Variants in SLC6A11 observed in about 807,000 individuals in gnomAD.
SLC6A11 encodes solute carrier family 6 member 11.
Under a neutral mutation model 74.8 loss-of-function variants are expected in SLC6A11, and 25 were observed. The observed-to-expected ratio is 0.33, with a 90% CI of 0.24 to 0.47. The LOEUF (loss-of-function observed/expected upper bound fraction) is 0.47, where lower values mean the gene tolerates loss of function less well. Among genes scored for constraint, SLC6A11 ranks in the 20% least tolerant of loss-of-function variants. The probability of loss-of-function intolerance (pLI) is 1.00; values close to 1 mark genes in which losing one functional copy is unlikely to be tolerated. For synonymous variants in SLC6A11, 330 were observed against 330.2 expected (o/e 1.00, Z 0.01); for missense variants, 574 against 837.0 (o/e 0.69, Z 3.88).
At chr3:10,930,992 C>T (rs1483378192) in intron 10 of SLC6A11, among the ~76,000 whole-genome samples, 2 of 152,210 alleles carry the variant, frequency 1.3e-5, no homozygotes, top group South Asian at 2.1e-4. Flanking sequence ...GGCCGTGCCA[C>T]CTTGGCCTTC....
At chr3:10,910,409 G>C (rs901030) in intron 6 of SLC6A11, among the ~76,000 whole-genome samples, 3 of 152,164 alleles carry the variant, frequency 2.0e-5, no homozygotes, top group Admixed American at 2.0e-4. Context: ...ATGGAGGAGA[G>C]GGATGTGGCC....
chr3:10,923,728 T>G (rs1433233750), intron 8 of SLC6A11, among the ~76,000 whole-genome samples: 1 of 152,110 alleles, frequency 6.6e-6, no homozygotes, highest in African/African-American at 2.4e-5. Flanking sequence ...CTCAAAATAT[T>G]TCCTCCTGCA....
At chr3:10,938,165 C>T (rs556675531) in intron 13 of SLC6A11, 85 bp from the exon 14 acceptor site, 74 of 1,291,586 alleles carry the variant, frequency 5.7e-5, no homozygotes, top group African/African-American at 7.3e-5. Context: ...CCCAGATGTC[C>T]GCCGTGTGCT....
chr3:10,864,127 C>T (rs1694735947), intron 5 of SLC6A11, among the ~76,000 whole-genome samples: 2 of 152,026 alleles, frequency 1.3e-5, no homozygotes, highest in East Asian at 3.9e-4. Context: ...CTCTTGAGCC[C>T]TCTGTGTCCA....
At chr3:10,936,461 G>A (rs894665984) in intron 13 of SLC6A11, among the ~76,000 whole-genome samples, 6 of 152,208 alleles carry the variant, frequency 3.9e-5, no homozygotes, top group African/African-American at 1.4e-4. Flanking sequence ...GGAGGCGATG[G>A]GGAGTGGGGG....
Position 10,938,368 on chromosome 3 carries a change from T to C in SLC6A11, c.1865T>C (p.Ile622Thr). Residue 622 changes from isoleucine to threonine, a missense_variant, in exon 14 of 14, where the codon ATC (isoleucine) becomes ACC (threonine). This residue lies in a region of SLC6A11 where 257 missense variants were observed against 341.5 expected (regional missense o/e 0.75). Coordinates refer to ENST00000254488, the MANE Select transcript of SLC6A11 (RefSeq NM_014229.3). Reference sequence around the variant, plus strand: ...GCCAAACTCAAGAGTGACGGGACCATCGCAGCCATCACAGAGAAGGAGACG... The same window carrying C: ...GCCAAACTCAAGAGTGACGGGACCACCGCAGCCATCACAGAGAAGGAGACG... The part of the protein sequence containing the change: ...CDAKLKSDGT[I>T]AAITEKETHF 1 of 1,609,888 alleles carries C rather than the reference T, an allele frequency of 6.2e-7. No homozygotes were observed. The highest frequency in any genetic ancestry group is 8.5e-7 in the Non-Finnish European group (1 of 1,176,706).
chr3:10,820,812 G>C (rs949823910), intron 3 of SLC6A11, among the ~76,000 whole-genome samples: 5 of 152,176 alleles, frequency 3.3e-5, no homozygotes, highest in Non-Finnish European at 7.3e-5. Context: ...CCAGAGAGCT[G>C]CTGCCTTTTG....
intron 5 of SLC6A11, among the ~76,000 whole-genome samples, chr3:10,853,460 C>G (rs947766589): frequency 1.3e-5 from 2 of 152,128 alleles, no homozygotes; most frequent in African/African-American, 4.8e-5. Context: ...CTGCCAAGGC[C>G]ACCCCTCCCC....
rs59916917 is a variant in SLC6A11 at position 10,869,919 on chromosome 3, G to T, written c.757-5042G>T. ...GTTGGAGATCTAGTTGGCAAGACTT[G>T]ATCACTGATTGAATGTGGGGGAAGC... On this transcript the variant is annotated intron_variant, in intron 5 of 13. Transcript: ENST00000254488. Among the ~76,000 whole-genome samples, 1,120 of 152,268 alleles carry T rather than the reference G, an allele frequency of 7.4e-3. 15 individuals carry two copies. The highest frequency in any genetic ancestry group is 0.026 in the African/African-American group (1,071 of 41,560).
intron 6 of SLC6A11, among the ~76,000 whole-genome samples, chr3:10,905,046 A>G (rs1695285834): frequency 6.6e-6 from 1 of 152,174 alleles, no homozygotes; most frequent in Non-Finnish European, 1.5e-5. Flanking sequence ...ATGTTCTGTT[A>G]GCTTATTTTA....
At chr3:10,933,537 A>G (rs974165138) in intron 11 of SLC6A11, among the ~76,000 whole-genome samples, 2 of 152,188 alleles carry the variant, frequency 1.3e-5, no homozygotes, top group African/African-American at 2.4e-5. Flanking sequence ...AGTCATCAAC[A>G]TGTCTCCAAG....
intron 5 of SLC6A11, among the ~76,000 whole-genome samples, chr3:10,848,689 C>T (rs976724134): frequency 5.3e-5 from 8 of 152,188 alleles, no homozygotes; most frequent in African/African-American, 9.7e-5. Context: ...GCAGAGCATG[C>T]GACCTGCTAA....
chr3:10,819,783 A>T lies in SLC6A11; in HGVS notation c.463A>T (p.Ile155Phe). 1 of 1,614,158 alleles carries T rather than the reference A, an allele frequency of 6.2e-7. No individual in the cohort carries two copies. Among genetic ancestry groups the T allele is most frequent in the Non-Finnish European group, 8.5e-7 (1 of 1,180,022 alleles). Reference sequence around the variant, plus strand: ...CTACATCATCATCCTGGCATGGGCCATTTTTTACCTGAGCAACTGCTTCAC... The same window carrying T: ...CTACATCATCATCCTGGCATGGGCCTTTTTTTACCTGAGCAACTGCTTCAC... ...VYYIIILAWA[I>F]FYLSNCFTTE... The change falls in exon 3 of 14, where the codon ATT (isoleucine) becomes TTT (phenylalanine). Residue 155 changes from isoleucine to phenylalanine, a missense_variant. Coordinates refer to ENST00000254488, the MANE Select transcript of SLC6A11 (RefSeq NM_014229.3).
At chr3:10,911,018 C>T (rs1455209108) in intron 6 of SLC6A11, among the ~76,000 whole-genome samples, 9 of 151,994 alleles carry the variant, frequency 5.9e-5, no homozygotes, top group African/African-American at 9.7e-5. Context: ...GACAGGGTTT[C>T]GCCATGTTGG....
intron 5 of SLC6A11, among the ~76,000 whole-genome samples, chr3:10,867,360 G>A (rs1329640171): frequency 6.6e-6 from 1 of 152,198 alleles, no homozygotes; most frequent in African/African-American, 2.4e-5. Context: ...CCTAGGCTTG[G>A]AGAGATTTTT....
At chr3:10,920,180 G>C (rs945849544) in intron 8 of SLC6A11, among the ~76,000 whole-genome samples, 11 of 152,132 alleles carry the variant, frequency 7.2e-5, no homozygotes, top group Non-Finnish European at 1.6e-4. Flanking sequence ...CATTGCTTCT[G>C]TTTTGGAGGG....
chr3:10,912,607 C>G lies in SLC6A11; in HGVS notation c.995+414C>G, dbSNP rs376712562. ...ACTGTAGGGTCATCTTCTGCCCCAC[C>G]TGGGGCCAGTGCCCCACTTTGCCCC... On this transcript the variant is annotated intron_variant, in intron 7 of 13. Coordinates refer to ENST00000254488, the MANE Select transcript of SLC6A11 (RefSeq NM_014229.3). Among the ~76,000 whole-genome samples the G allele has an allele frequency of 1.1e-4, 17 of 152,332 alleles. No individual in the cohort carries two copies. In the South Asian group the frequency reaches 1.9e-3, roughly 17 times the overall value.
chr3:10,834,509 TC>T (rs1694341206), intron 4 of SLC6A11, among the ~76,000 whole-genome samples: 1 of 152,164 alleles, frequency 6.6e-6, no homozygotes, highest in Admixed American at 6.5e-5. Context: ...TCAGAAGGTT[TC>T]TTTAGGAAGT....
chr3:10,827,721 C>T lies in SLC6A11; in HGVS notation c.623+4329C>T, dbSNP rs190898512. Among the ~76,000 whole-genome samples, 118 of 152,314 alleles carry T rather than the reference C, an allele frequency of 7.7e-4. 1 individual carries two copies. The highest frequency in any genetic ancestry group is 2.7e-3 in the African/African-American group (113 of 41,572). On this transcript the variant is annotated intron_variant, in intron 4 of 13. Coordinates refer to ENST00000254488, the MANE Select transcript of SLC6A11 (RefSeq NM_014229.3). ...GGAAGTAAAGATGGAAGATGAGGTTCTAGTCTCTAGAAGCAGAGTTGAGAC... is the reference window on the plus strand; with the variant it reads ...GGAAGTAAAGATGGAAGATGAGGTTTTAGTCTCTAGAAGCAGAGTTGAGAC...
Sources: gnomAD v4.1 joint callset for allele counts (sites outside exome capture counted in the v4.1 genomes callset) on GRCh38, gnomAD v4.1.1 for gene constraint, gnomAD v4.1.1 regional missense constraint, MANE v1.5 for transcripts, NCBI Gene and HGNC (gene_info 2026-07-23, HGNC 2026-07-21) for gene names.